MGAT4C: variants seen among roughly 807,000 people sequenced by gnomAD.
MGAT4C encodes alpha-1,3-mannosyl-glycoprotein 4-beta-N-acetylglucosaminyltransferase C.
In MGAT4C, 19 loss-of-function variants were observed where a neutral mutation model predicts 40.1. The observed-to-expected ratio is 0.47, with a 90% CI of 0.33 to 0.70. The LOEUF is 0.70. Among genes scored for constraint, MGAT4C ranks in the 30% least tolerant of loss-of-function variants. The pLI, the probability that MGAT4C is intolerant of heterozygous loss-of-function variation, is 0.02. For missense variants in MGAT4C, 491 were observed against 563.2 expected (o/e 0.87, Z 1.30); for synonymous variants, 181 against 187.1 (o/e 0.97, Z 0.27).
In MGAT4C at chr12:86,128,542, C is replaced by A. The variant is rs552215823; in HGVS notation, c.-56-78819G>T. Among the ~76,000 whole-genome samples, 4 of 152,266 alleles carry A rather than the reference C, an allele frequency of 2.6e-5. No individual in the cohort carries two copies. In the East Asian group the frequency reaches 7.7e-4, roughly 29 times the overall value. ...TGTGGAACTGTAAGTCCCATTAAAC[C>A]TCTTTTTCTTCCCAGTCACGGGTAT... On this transcript the variant is annotated intron_variant, in intron 1 of 4. Coordinates refer to ENST00000611864, the MANE Select transcript of MGAT4C (RefSeq NM_001351288.2).
chr12:86,315,474 G>A (rs1954186186), intron 4 of MGAT4C, among the ~76,000 whole-genome samples: 1 of 151,996 alleles, frequency 6.6e-6, no homozygotes, highest in Non-Finnish European at 1.5e-5. Flanking sequence ...AGGCCGAGGC[G>A]GGTGGATCAC....
intron 1 of MGAT4C, among the ~76,000 whole-genome samples, chr12:86,182,620 T>G (rs1888253472): frequency 6.6e-6 from 1 of 152,140 alleles, no homozygotes; most frequent in Non-Finnish European, 1.5e-5. Context: ...CTATTCTCTC[T>G]TCCTATTTAG....
At chr12:86,434,099 T>C (rs2136272044) in intron 3 of MGAT4C, among the ~76,000 whole-genome samples, 1 of 152,136 alleles carries the variant, frequency 6.6e-6, no homozygotes, top group South Asian at 2.1e-4. Context: ...CTCCTGAAAA[T>C]GATTGTATTT....
chr12:86,804,282 G>A (rs1952300125), intron 1 of MGAT4C, among the ~76,000 whole-genome samples: 1 of 110,504 alleles, frequency 9.0e-6, no homozygotes, highest in Admixed American at 1.0e-4. Context: ...GGGGGGAGGG[G>A]GGAGGGATAG....
intron 1 of MGAT4C, among the ~76,000 whole-genome samples, chr12:86,740,714 C>A (rs1381247408): frequency 1.3e-5 from 2 of 151,080 alleles, no homozygotes; most frequent in Non-Finnish European, 3.0e-5. Context: ...TAGAGCAATT[C>A]TTGTAAAATA....
At position 86,059,841 on chromosome 12, in the gene MGAT4C, G is replaced by A. The variant is rs555247520; in HGVS notation, c.-56-10118C>T. Among the ~76,000 whole-genome samples, 26 of 152,200 alleles carry A rather than the reference G, an allele frequency of 1.7e-4. No homozygotes were observed. The South Asian group carries it at 2.9e-3, about 17-fold the overall frequency. The stretch of plus-strand genomic sequence containing the variant: ...GCCCCTAACACAAGACTCTAACACC[G>A]TGTAAGATAAGTTTTCAACCCCACA... On this transcript the variant is annotated intron_variant, in intron 1 of 4. Coordinates refer to ENST00000611864, the MANE Select transcript of MGAT4C (RefSeq NM_001351288.2).
chr12:86,280,246 T>A (rs1212955326), intron 4 of MGAT4C, among the ~76,000 whole-genome samples: 1 of 152,066 alleles, frequency 6.6e-6, no homozygotes, highest in Non-Finnish European at 1.5e-5. Context: ...TGTTAAAGTC[T>A]ACAGGTGTTA....
intron 2 of MGAT4C, among the ~76,000 whole-genome samples, chr12:85,993,634 G>C (rs1886249946): frequency 6.6e-6 from 1 of 152,194 alleles, no homozygotes; most frequent in African/African-American, 2.4e-5. Context: ...GGTGGCCCCT[G>C]ATGTCAGGAG....
intron 2 of MGAT4C, among the ~76,000 whole-genome samples, chr12:86,568,375 C>T (rs1478245249): frequency 6.6e-6 from 1 of 151,950 alleles, no homozygotes; most frequent in African/African-American, 2.4e-5. Flanking sequence ...CACTCTTGGA[C>T]TTACACTAGT....
At chr12:86,352,448 T>G (rs887407085) in intron 3 of MGAT4C, among the ~76,000 whole-genome samples, 4 of 152,110 alleles carry the variant, frequency 2.6e-5, no homozygotes, top group African/African-American at 7.2e-5. Context: ...TACGAACACC[T>G]ATGTATATTA....
chr12:86,613,538 T>C (rs1195768767), intron 2 of MGAT4C, among the ~76,000 whole-genome samples: 1 of 152,278 alleles, frequency 6.6e-6, no homozygotes, highest in Non-Finnish European at 1.5e-5. Context: ...TTCACAGTTA[T>C]GATGCAATTA....
chr12:86,678,207 G>C (rs1287138915), intron 2 of MGAT4C, among the ~76,000 whole-genome samples: 1 of 152,010 alleles, frequency 6.6e-6, no homozygotes, highest in Non-Finnish European at 1.5e-5. Flanking sequence ...TAAACAAGCT[G>C]TTCCTCCATT....
intron 4 of MGAT4C, among the ~76,000 whole-genome samples, chr12:86,331,398 T>C (rs78931706): frequency 0.014 from 2,119 of 152,260 alleles, 65 homozygotes; most frequent in African/African-American, 0.049. Flanking sequence ...GTTTAAACTC[T>C]ACCATTTTGC....
intron 3 of MGAT4C, among the ~76,000 whole-genome samples, chr12:86,385,550 A>G (rs1592772675): frequency 6.6e-6 from 1 of 152,322 alleles, no homozygotes; most frequent in East Asian, 1.9e-4. Context: ...ATAAAATCGA[A>G]TGGCCTATGC....
At chr12:86,448,454 C>T (rs11103960) in intron 2 of MGAT4C, among the ~76,000 whole-genome samples, 1 of 152,084 alleles carries the variant, frequency 6.6e-6, no homozygotes. Context: ...CTTCTCCTTA[C>T]CCTATCTTAA....
intron 2 of MGAT4C, among the ~76,000 whole-genome samples, chr12:86,619,985 G>A (rs1962585770): frequency 6.6e-6 from 1 of 152,054 alleles, no homozygotes; most frequent in East Asian, 1.9e-4. Flanking sequence ...GAGTTGCCAA[G>A]AAACGTGAAT....
intron 4 of MGAT4C, among the ~76,000 whole-genome samples, chr12:86,323,338 T>A (rs141025358): frequency 6.6e-6 from 1 of 151,734 alleles, no homozygotes; most frequent in East Asian, 1.9e-4. Flanking sequence ...TAATCATCCA[T>A]ATTTTAATAT....
At chr12:86,546,824 C>T (rs1959195626) in intron 2 of MGAT4C, among the ~76,000 whole-genome samples, 1 of 151,930 alleles carries the variant, frequency 6.6e-6, no homozygotes, top group Admixed American at 6.6e-5. Flanking sequence ...GAGAAGGCAT[C>T]CCCCAAAAAA....
At chr12:86,275,400 A>G (rs1024734560) in intron 4 of MGAT4C, among the ~76,000 whole-genome samples, 1 of 152,176 alleles carries the variant, frequency 6.6e-6, no homozygotes, top group Non-Finnish European at 1.5e-5. Context: ...GATTTTATGA[A>G]GGTAAATGAA....
Sources: gnomAD v4.1 joint callset for allele counts (sites outside exome capture counted in the v4.1 genomes callset) on GRCh38, gnomAD v4.1.1 for gene constraint, MANE v1.5 for transcripts, NCBI Gene and HGNC (gene_info 2026-07-23, HGNC 2026-07-21) for gene names.